SNAP29: variants seen among roughly 807,000 people sequenced by gnomAD.
SNAP29 encodes the protein synaptosomal-associated protein 29.
In SNAP29, 13 loss-of-function variants were observed where a neutral mutation model predicts 27.9. The ratio of observed to expected loss-of-function variants is 0.47; its 90% CI spans 0.30 to 0.74. The LOEUF is 0.74. Among genes scored for constraint, SNAP29 ranks in the 30% least tolerant of loss-of-function variants. SNAP29 has a pLI of 0.06. For synonymous variants in SNAP29, 119 were observed against 127.1 expected (o/e 0.94, Z 0.43); for missense variants, 368 against 336.5 (o/e 1.09, Z -0.73).
chr22:20,887,620 G>GCATT, intron 4 of SNAP29, 59 bp from the exon 5 acceptor site: 1 of 1,581,110 alleles, frequency 6.3e-7, no homozygotes, highest in Non-Finnish European at 8.7e-7. Context: ...CCATCAAGAA[G>GCATT]CATTTGCAGG....
intron 2 of SNAP29, among the ~76,000 whole-genome samples, 162 bp from the exon 3 acceptor site, chr22:20,880,887 C>T (rs1252393956): frequency 6.6e-6 from 1 of 152,112 alleles, no homozygotes; most frequent in East Asian, 1.9e-4. Context: ...CCACTGTGCT[C>T]CTGGGAGAAG....
intron 2 of SNAP29, among the ~76,000 whole-genome samples, chr22:20,875,375 C>T (rs1017656922): frequency 6.6e-6 from 1 of 152,182 alleles, no homozygotes; most frequent in African/African-American, 2.4e-5. Context: ...TTCAAGAAAG[C>T]AAAACTTTCA....
intron 2 of SNAP29, among the ~76,000 whole-genome samples, chr22:20,879,850 TTAAAA>T (rs1484273675): frequency 1.6e-4 from 15 of 92,146 alleles, no homozygotes; most frequent in Admixed American, 5.0e-4. Flanking sequence ...CTGAAAAAAT[TTAAAA>T]AAAAAAAAAA....
At chr22:20,883,340 T>G in intron 3 of SNAP29, 131 bp from the exon 4 acceptor site, 1 of 679,270 alleles carries the variant, frequency 1.5e-6, no homozygotes, top group Non-Finnish European at 2.7e-6. Context: ...CCCTCATCCC[T>G]CTGGATAGCC....
At chr22:20,869,057 G>A (rs1928525477) in intron 1 of SNAP29, among the ~76,000 whole-genome samples, 1 of 152,100 alleles carries the variant, frequency 6.6e-6, no homozygotes, top group Non-Finnish European at 1.5e-5. Flanking sequence ...CGGGTGGTTC[G>A]AGACCAGCCG....
At chr22:20,887,462 C>T (rs1412821068) in intron 4 of SNAP29, among the ~76,000 whole-genome samples, 6 of 151,692 alleles carry the variant, frequency 4.0e-5, no homozygotes, top group Non-Finnish European at 8.8e-5. Flanking sequence ...CAAACACACA[C>T]ACACATACAC....
chr22:20,872,245 A>T (rs1928611039), intron 2 of SNAP29, among the ~76,000 whole-genome samples: 2 of 149,596 alleles, frequency 1.3e-5, no homozygotes, highest in African/African-American at 4.9e-5. Context: ...TATTTTATTT[A>T]TTTATTTTTT....
chr22:20,866,347 T>C (rs1928459207), intron 1 of SNAP29, among the ~76,000 whole-genome samples: 2 of 152,254 alleles, frequency 1.3e-5, no homozygotes, highest in South Asian at 2.1e-4. Flanking sequence ...TGCCAAGGCT[T>C]GTGCCTGTGC....
rs762428256 is a variant in SNAP29, at chr22:20,870,370, A to G, written c.271A>G (p.Thr91Ala). 1.2e-5 allele frequency: 20 copies of G among 1,614,088 alleles called. No homozygotes were observed. In the East Asian group the frequency reaches 1.8e-4, roughly 14 times the overall value. Residue 91 changes from threonine to alanine, a missense_variant, in exon 2 of 5, where the codon ACA (threonine) becomes GCA (alanine). Thr to Ala is a moderately conservative substitution (Grantham distance 58). Coordinates refer to ENST00000215730, the MANE Select transcript of SNAP29 (RefSeq NM_004782.4). Reference sequence around the variant, plus strand: ...CCGTCAGCGAGGAGTCCTGGAGCGCACAGAGAAGATGGTGGACAAGATGGA... The same window carrying G: ...CCGTCAGCGAGGAGTCCTGGAGCGCGCAGAGAAGATGGTGGACAAGATGGA... ...LARQRGVLERTEKMVDKMDQD... is the reference protein window; with the variant it reads ...LARQRGVLERAEKMVDKMDQD...
In SNAP29 at chr22:20,873,449, TTAGA is replaced by T. The variant is rs552568507; in HGVS notation, c.434+2919_434+2922del. 5.3e-3 allele frequency among the ~76,000 whole-genome samples: 808 copies of T among 151,450 alleles called. 22 individuals are homozygous for T. The highest frequency in any genetic ancestry group is 2.4e-3 in the Non-Finnish European group (165 of 67,848). ...GATGTAGGGTGTGGCAGGGAGGAAA[TTAGA>T]TAACTACTTCAAACTCAGAGTGGGG... On this transcript the variant is annotated intron_variant, in intron 2 of 4. Coordinates refer to ENST00000215730, the MANE Select transcript of SNAP29 (RefSeq NM_004782.4).
In SNAP29 at chr22:20,890,544, T is replaced by C. The variant is rs1601658450; in HGVS notation, c.*2708T>C. On this transcript the variant is annotated 3_prime_UTR_variant, in exon 5 of 5. Transcript: ENST00000215730. ...AGGCCAAGGCGGGGGGATCACGAGG[T>C]CAGGAGATCGAGACCATCCTGGCTA... is the stretch of plus-strand genomic sequence containing the variant. 1.1e-5 allele frequency: 4 copies of C among 370,754 alleles called. No individual in the cohort carries two copies. Among genetic ancestry groups the C allele is most frequent in the African/African-American group, 6.3e-5 (3 of 47,818 alleles). The allele number at this position is 370,754 out of a possible 1,614,324, so 23.0% of individuals were successfully genotyped here.
At chr22:20,861,355 A>C (rs2147858882) in intron 1 of SNAP29, among the ~76,000 whole-genome samples, 2 of 150,768 alleles carry the variant, frequency 1.3e-5, no homozygotes, top group African/African-American at 4.9e-5. Flanking sequence ...CTCGTGATCC[A>C]CCACCTCGGC....
intron 2 of SNAP29, among the ~76,000 whole-genome samples, chr22:20,876,086 G>A (rs1322998316): frequency 6.6e-6 from 1 of 151,224 alleles, no homozygotes; most frequent in East Asian, 2.0e-4. Context: ...GCATGAACCC[G>A]GGAGGTGGAG....
chr22:20,883,489 C>G lies in SNAP29; in HGVS notation c.539C>G (p.Ala180Gly). 1 of 1,612,570 alleles carries G rather than the reference C, an allele frequency of 6.2e-7. No homozygotes were observed. Among genetic ancestry groups the G allele is most frequent in the Non-Finnish European group, 8.5e-7 (1 of 1,178,658 alleles). ...LDDTDPVPRG[A>G]GSAMSTDAYP... ...AACTTAGACCCTGTCCCCAGAGGGG[C>G]TGGTTCTGCCATGAGTACTGATGCT... The change falls in exon 4 of 5, where the codon GCT becomes GGT. Residue 180 changes from alanine (A) to glycine (G), a missense_variant. By Grantham distance (60) the Ala-to-Gly change is moderately conservative (BLOSUM62 0). Coordinates refer to ENST00000215730, the MANE Select transcript of SNAP29 (RefSeq NM_004782.4).
intron 2 of SNAP29, among the ~76,000 whole-genome samples, chr22:20,875,525 G>C (rs1045743706): frequency 1.2e-4 from 18 of 152,186 alleles, no homozygotes; most frequent in African/African-American, 4.1e-4. Context: ...ACAGAGGAAG[G>C]CTGCACAAAG....
intron 1 of SNAP29, among the ~76,000 whole-genome samples, chr22:20,867,698 A>G (rs1269369124): frequency 2.0e-5 from 3 of 152,154 alleles, no homozygotes; most frequent in African/African-American, 7.2e-5. Context: ...ACCCTCACAG[A>G]CTTCTCTGTG....
chr22:20,884,131 A>G (rs1053826170), intron 4 of SNAP29, among the ~76,000 whole-genome samples: 1 of 152,084 alleles, frequency 6.6e-6, no homozygotes, highest in Non-Finnish European at 1.5e-5. Context: ...TCAGGAGTTC[A>G]AGACCAGCCT....
rs1929142426 is a variant in SNAP29 at position 20,891,026 on chromosome 22, G to GACA, written c.*3190_*3191insACA. On this transcript the variant is annotated 3_prime_UTR_variant, in exon 5 of 5. Transcript: ENST00000215730. ...GGAGGCGGAGCTTGCAGTGAGCCAA[G>GACA]GCGACAGAGCAAGACTCTGTCTCAA... The GACA allele has an allele frequency of 6.6e-6, 1 of 152,156 alleles. No individual in the cohort carries two copies. Among genetic ancestry groups the GACA allele is most frequent in the Non-Finnish European group, 1.5e-5 (1 of 68,060 alleles). 9.4% of individuals were successfully genotyped at this position (152,156 alleles called of 1,614,324 possible). A position where few individuals can be genotyped will look rare whatever the true frequency, so the allele number is the denominator to read the frequency against.
chr22:20,859,442 A>C, intron 1 of SNAP29, 95 bp downstream of exon 1: 6 of 963,462 alleles, frequency 6.2e-6, no homozygotes, highest in Non-Finnish European at 1.0e-5. Context: ...GAGAATTCTC[A>C]AGTTGCCTAG....
Sources: gnomAD v4.1 joint callset for allele counts (sites outside exome capture counted in the v4.1 genomes callset) on GRCh38, gnomAD v4.1.1 for gene constraint, MANE v1.5 for transcripts, NCBI Gene and HGNC (gene_info 2026-07-23, HGNC 2026-07-21) for gene names.